Variants in SDK1 observed in about 807,000 individuals in gnomAD.
SDK1 encodes sidekick cell adhesion molecule 1, also known as protein sidekick-1.
Under a neutral mutation model 245.5 loss-of-function variants are expected in SDK1, and 157 were observed. The observed-to-expected ratio is 0.64, with a 90% confidence interval of 0.56 to 0.73. The LOEUF (loss-of-function observed/expected upper bound fraction) is 0.73. SDK1 is among the 30% of genes least tolerant of loss of function. The pLI is 0.00. For missense variants in SDK1, 3,583 were observed against 3,002.3 expected (o/e 1.19, Z -4.52); for synonymous variants, 1,647 against 1,278.5 (o/e 1.29, Z -6.15).
At chr7:3,429,955 G>A (rs1485396342) in intron 1 of SDK1, among the ~76,000 whole-genome samples, 1 of 152,172 alleles carries the variant, frequency 6.6e-6, no homozygotes, top group Non-Finnish European at 1.5e-5. Flanking sequence ...CTATCCGTAT[G>A]TGTCTCTCTA....
At chr7:3,439,870 A>G (rs66540307) in intron 1 of SDK1, among the ~76,000 whole-genome samples, 27,855 of 152,160 alleles carry the variant, frequency 0.18, 4,713 homozygotes, top group African/African-American at 0.45. Flanking sequence ...CTGTCCTCAG[A>G]TGCCCTGAGG....
At chr7:3,511,410 T>C (rs2128611602) in intron 1 of SDK1, among the ~76,000 whole-genome samples, 1 of 152,368 alleles carries the variant, frequency 6.6e-6, no homozygotes, top group Non-Finnish European at 1.5e-5. Context: ...GAAGTTTAAA[T>C]TACTTAAAGT....
At chr7:3,693,000 T>C (rs981493452) in intron 4 of SDK1, among the ~76,000 whole-genome samples, 3 of 152,074 alleles carry the variant, frequency 2.0e-5, no homozygotes, top group African/African-American at 7.2e-5. Flanking sequence ...GCCAGTTTTC[T>C]GTTGAGATGA....
chr7:3,447,420 A>G (rs996134299), intron 1 of SDK1, among the ~76,000 whole-genome samples: 2 of 152,214 alleles, frequency 1.3e-5, no homozygotes, highest in African/African-American at 4.8e-5. Context: ...ACAAGTACAC[A>G]CACACACTCA....
chr7:3,322,269 C>T (rs1415867817), intron 1 of SDK1, among the ~76,000 whole-genome samples: 1 of 152,072 alleles, frequency 6.6e-6, no homozygotes, highest in Non-Finnish European at 1.5e-5. Context: ...CTGCTTTTGC[C>T]TGGTGTGATG....
At chr7:4,078,714 A>T (rs542408606) in intron 21 of SDK1, among the ~76,000 whole-genome samples, 1 of 152,246 alleles carries the variant, frequency 6.6e-6, no homozygotes, top group South Asian at 2.1e-4. Flanking sequence ...ATAATGCTAC[A>T]ATTCCGGGTG....
chr7:3,971,372 T>G, intron 11 of SDK1, 94 bp from the exon 12 acceptor site: 1 of 798,118 alleles, frequency 1.3e-6, no homozygotes, highest in Admixed American at 2.0e-5. Context: ...AACTCGGAGG[T>G]TGTGATGTCA....
At chr7:3,959,600 G>C (rs1379233883) in intron 8 of SDK1, among the ~76,000 whole-genome samples, 1 of 152,104 alleles carries the variant, frequency 6.6e-6, no homozygotes, top group East Asian at 1.9e-4. Flanking sequence ...CCCATTGTCT[G>C]TCCTTCCACA....
At chr7:3,680,680 T>C (rs1784073337) in intron 4 of SDK1, among the ~76,000 whole-genome samples, 1 of 152,218 alleles carries the variant, frequency 6.6e-6, no homozygotes, top group Admixed American at 6.5e-5. Context: ...CTTTTAATTA[T>C]TGTCAAGTAA....
At chr7:3,810,022 C>T (rs1431327591) in intron 4 of SDK1, among the ~76,000 whole-genome samples, 3 of 152,150 alleles carry the variant, frequency 2.0e-5, no homozygotes, top group African/African-American at 7.2e-5. Flanking sequence ...CTGTGTCTTG[C>T]TTAGCCATGG....
intron 28 of SDK1, among the ~76,000 whole-genome samples, chr7:4,138,479 C>G (rs936308296): frequency 2.6e-5 from 4 of 152,124 alleles, no homozygotes; most frequent in African/African-American, 7.2e-5. Context: ...GGCATGGTGG[C>G]TCATGCCTGT....
At chr7:4,255,511 G>A (rs1431546608) in intron 44 of SDK1, among the ~76,000 whole-genome samples, 1 of 152,178 alleles carries the variant, frequency 6.6e-6, no homozygotes, top group Non-Finnish European at 1.5e-5. Flanking sequence ...ACAAGCTGGG[G>A]TGGGAGCACT....
At chr7:3,448,298 G>A (rs1780408592) in intron 1 of SDK1, among the ~76,000 whole-genome samples, 1 of 151,988 alleles carries the variant, frequency 6.6e-6, no homozygotes, top group Non-Finnish European at 1.5e-5. Context: ...GGCCATTTCA[G>A]TTTTGTCTTG....
At chr7:3,658,421 C>T (rs992746045) in intron 4 of SDK1, among the ~76,000 whole-genome samples, 3 of 151,874 alleles carry the variant, frequency 2.0e-5, no homozygotes, top group Admixed American at 2.0e-4. Context: ...AGTCTGGCTT[C>T]TGAAGGGCTC....
intron 17 of SDK1, among the ~76,000 whole-genome samples, chr7:4,048,841 G>A (rs1432416677): frequency 6.6e-6 from 1 of 152,206 alleles, no homozygotes; most frequent in Admixed American, 6.5e-5. Flanking sequence ...AAAAATGATT[G>A]TCCCCGTTGA....
intron 5 of SDK1, among the ~76,000 whole-genome samples, chr7:3,851,378 T>G (rs941036304): frequency 6.6e-6 from 1 of 152,332 alleles, no homozygotes; most frequent in African/African-American, 2.4e-5. Flanking sequence ...GTTAATAATA[T>G]AAGTATTTAG....
At chr7:3,570,285 C>G (rs967849274) in intron 1 of SDK1, among the ~76,000 whole-genome samples, 1 of 152,288 alleles carries the variant, frequency 6.6e-6, no homozygotes, top group South Asian at 2.1e-4. Flanking sequence ...GTTAGATTCT[C>G]ATAAGGAGTG....
At position 4,237,525 on chromosome 7, in the gene SDK1, C is replaced by A; in HGVS notation, c.5993-122C>A. 3 of 1,123,926 alleles carry A rather than the reference C, an allele frequency of 2.7e-6. No homozygotes were observed. In the South Asian group the frequency reaches 4.2e-5, roughly 16 times the overall value. 69.6% of individuals were successfully genotyped at this position (1,123,926 alleles called of 1,614,324 possible). On this transcript the variant is annotated intron_variant, in intron 41 of 44. Coordinates refer to ENST00000404826, the MANE Select transcript of SDK1 (RefSeq NM_152744.4). ...CACCCGCCCGGCTGGACATTGGTTTCATCTCACCTGTAACTGGGAGTTATC... is the reference window on the plus strand; with the variant it reads ...CACCCGCCCGGCTGGACATTGGTTTAATCTCACCTGTAACTGGGAGTTATC...
chr7:3,714,392 T>C (rs146561283), intron 4 of SDK1, among the ~76,000 whole-genome samples: 257 of 152,334 alleles, frequency 1.7e-3, no homozygotes, highest in African/African-American at 6.0e-3. Context: ...TTATTATCTT[T>C]TTTACTCTCT....
Sources: allele counts gnomAD v4.1 joint callset (sites outside exome capture counted in the v4.1 genomes callset), GRCh38; gene constraint gnomAD v4.1.1; transcripts MANE v1.5; gene names NCBI Gene and HGNC (gene_info 2026-07-23, HGNC 2026-07-21).